Variants in NEK10 observed in about 807,000 individuals in gnomAD.
NEK10 encodes NIMA related kinase 10, also known as serine/threonine-protein kinase Nek10.
Under a neutral mutation model 159.8 loss-of-function variants are expected in NEK10, and 122 were observed. That is an observed-to-expected ratio of 0.76 (90% CI 0.66 to 0.89). The LOEUF is 0.89. Ranked by LOEUF, NEK10 falls within the 40% of genes least tolerant of loss-of-function variation. The probability of loss-of-function intolerance (pLI) is 0.00; values close to 1 mark genes in which losing one functional copy is unlikely to be tolerated. For missense variants in NEK10, 1,342 were observed against 1,323.1 expected (o/e 1.01, Z -0.22); for synonymous variants, 466 against 457.1 (o/e 1.02, Z -0.25).
At chr3:27,179,077 T>C (rs1177706541) in intron 26 of NEK10, among the ~76,000 whole-genome samples, 1 of 152,186 alleles carries the variant, frequency 6.6e-6, no homozygotes, top group East Asian at 1.9e-4. Context: ...TTTCCCAAAA[T>C]GGTTTGGATG....
At chr3:27,143,492 G>C in intron 30 of NEK10, 2 of 755,938 alleles carry the variant, frequency 2.6e-6, no homozygotes, top group Non-Finnish European at 4.8e-6. Context: ...CAAAAACAAA[G>C]AGTTAGCTAG....
intron 23 of NEK10, among the ~76,000 whole-genome samples, chr3:27,251,906 T>C (rs2149304364): frequency 1.3e-5 from 2 of 152,274 alleles, no homozygotes; most frequent in East Asian, 1.9e-4. Flanking sequence ...AAATAGACCC[T>C]ACCATCAAGG....
chr3:27,315,648 T>C (rs914095468), intron 6 of NEK10, among the ~76,000 whole-genome samples: 3 of 152,012 alleles, frequency 2.0e-5, no homozygotes, highest in African/African-American at 7.3e-5. Flanking sequence ...TCCACCTATG[T>C]AAAATCCTTG....
At chr3:27,138,955 C>T (rs1394232514) in intron 31 of NEK10, among the ~76,000 whole-genome samples, 1 of 152,164 alleles carries the variant, frequency 6.6e-6, no homozygotes, top group Non-Finnish European at 1.5e-5. Context: ...GGAGCACTTA[C>T]AGAAAGAAAA....
At chr3:27,297,852 A>C (rs997163153) in intron 13 of NEK10, among the ~76,000 whole-genome samples, 9 of 152,282 alleles carry the variant, frequency 5.9e-5, no homozygotes, top group African/African-American at 1.9e-4. Flanking sequence ...TTGCACTGAG[A>C]TACTTGTGCT....
In NEK10 at chr3:27,257,047, C is replaced by T. The variant is rs28610517; in HGVS notation, c.2015-676G>A. 3.8e-3 allele frequency among the ~76,000 whole-genome samples: 581 copies of T among 151,852 alleles called. 7 individuals carry two copies. Among genetic ancestry groups the T allele is most frequent in the African/African-American group, 0.013 (531 of 41,420 alleles). ...TCTCGTGCCTCAGCCTCCCAAGTAGCTGGGATTACAGGCACGTGCCACCAT... is the reference window on the plus strand; with the variant it reads ...TCTCGTGCCTCAGCCTCCCAAGTAGTTGGGATTACAGGCACGTGCCACCAT... On this transcript the variant is annotated intron_variant, in intron 22 of 35. Coordinates refer to ENST00000691995, the MANE Select transcript of NEK10 (RefSeq NM_001394966.1).
chr3:27,312,194 A>AC lies in NEK10; in HGVS notation c.490-18dup. 1 of 1,549,524 alleles carries AC rather than the reference A, an allele frequency of 6.5e-7. No individual in the cohort carries two copies. Among genetic ancestry groups the AC allele is most frequent in the Non-Finnish European group, 8.8e-7 (1 of 1,135,382 alleles). On this transcript the variant is annotated splice_polypyrimidine_tract_variant and intron_variant, in intron 7 of 35. Transcript: ENST00000691995. ...CTCCATATACTGCATGAAGGACCAA[A>AC]CCAACAAGCCAGTCAGGACACCAAA...
intron 22 of NEK10, among the ~76,000 whole-genome samples, chr3:27,269,187 G>A (rs545388230): frequency 3.3e-5 from 5 of 152,286 alleles, no homozygotes; most frequent in South Asian, 2.1e-4. Flanking sequence ...TGCTGTGAAC[G>A]TTGTTAAAAT....
intron 33 of NEK10, among the ~76,000 whole-genome samples, chr3:27,118,842 G>A (rs1386228487): frequency 6.6e-6 from 1 of 152,156 alleles, no homozygotes; most frequent in African/African-American, 2.4e-5. Flanking sequence ...TATCCCAGAA[G>A]ACCAAAGGAA....
At chr3:27,263,803 C>T (rs919159009) in intron 22 of NEK10, among the ~76,000 whole-genome samples, 5 of 152,124 alleles carry the variant, frequency 3.3e-5, no homozygotes, top group African/African-American at 4.8e-5. Flanking sequence ...GGCTCATGCT[C>T]GGTGCACTGC....
intron 5 of NEK10, among the ~76,000 whole-genome samples, chr3:27,324,224 A>G (rs912714504): frequency 3.3e-5 from 5 of 152,226 alleles, no homozygotes; most frequent in Admixed American, 6.5e-5. Context: ...AAATGCAGTC[A>G]AAATGTTAAA....
intron 26 of NEK10, among the ~76,000 whole-genome samples, chr3:27,178,766 T>G (rs78140845): frequency 1.3e-5 from 2 of 152,234 alleles, no homozygotes; most frequent in Admixed American, 1.3e-4. Context: ...CATAGCTGAG[T>G]GAACTGCTCA....
intron 6 of NEK10, among the ~76,000 whole-genome samples, chr3:27,314,567 G>T (rs1427025275): frequency 6.6e-6 from 1 of 152,094 alleles, no homozygotes; most frequent in Non-Finnish European, 1.5e-5. Context: ...TCTGTGCTCA[G>T]AACCGCAGCC....
At chr3:27,168,008 G>A (rs77086935) in intron 29 of NEK10, among the ~76,000 whole-genome samples, 1 of 152,106 alleles carries the variant, frequency 6.6e-6, no homozygotes, top group East Asian at 1.9e-4. Flanking sequence ...GTTTAAATCT[G>A]GCTCCTGATA....
At chr3:27,344,165 T>A (rs2047388442) in intron 5 of NEK10, 107 bp downstream of exon 5, 1 of 571,820 alleles carries the variant, frequency 1.7e-6, no homozygotes, top group African/African-American at 1.9e-5. Flanking sequence ...TTCTTTCCTT[T>A]AATGACATGT....
intron 23 of NEK10, among the ~76,000 whole-genome samples, chr3:27,244,758 T>TC: frequency 6.6e-6 from 1 of 152,078 alleles, no homozygotes; most frequent in East Asian, 1.9e-4. Context: ...CCCCCTCTTC[T>TC]CCCTTCCCTG....
At chr3:27,295,495 C>T in intron 15 of NEK10, 118 bp downstream of exon 15, 1 of 1,197,700 alleles carries the variant, frequency 8.3e-7, no homozygotes. Context: ...ATTTTTCCCT[C>T]ATAGTCAGTA....
At position 27,136,668 on chromosome 3, in the gene NEK10, G is replaced by A. The variant is rs540917278; in HGVS notation, c.2971-4678C>T. ...TTCATACTTAGCTTGCTGGTCTTAC[G>A]ATTACCATTTCAGCTTTGATAAAAA... On this transcript the variant is annotated intron_variant, in intron 31 of 35. Coordinates refer to ENST00000691995, the MANE Select transcript of NEK10 (RefSeq NM_001394966.1). Among the ~76,000 whole-genome samples, 8 of 152,248 alleles carry A rather than the reference G, an allele frequency of 5.3e-5. No homozygotes were observed. In the East Asian group the frequency reaches 7.7e-4, roughly 15 times the overall value.
intron 22 of NEK10, among the ~76,000 whole-genome samples, chr3:27,278,443 A>G (rs2041921683): frequency 6.6e-6 from 1 of 152,204 alleles, no homozygotes; most frequent in Non-Finnish European, 1.5e-5. Flanking sequence ...TTCATCTTAT[A>G]TCTATCCCAG....
Sources: gnomAD v4.1 joint callset for allele counts (sites outside exome capture counted in the v4.1 genomes callset) on GRCh38, gnomAD v4.1.1 for gene constraint, MANE v1.5 for transcripts, NCBI Gene and HGNC (gene_info 2026-07-23, HGNC 2026-07-21) for gene names.